PLEKHH1: variants seen among roughly 807,000 people sequenced by gnomAD.
The protein encoded by PLEKHH1 is pleckstrin homology domain-containing family H member 1.
In PLEKHH1, 104 loss-of-function variants were observed where a neutral mutation model predicts 160.0. That is an observed-to-expected ratio of 0.65 (90% CI 0.55 to 0.76). The LOEUF (loss-of-function observed/expected upper bound fraction) is 0.76. Ranked by LOEUF, PLEKHH1 falls within the 30% of genes least tolerant of loss-of-function variation. The probability of loss-of-function intolerance (pLI) is 0.00; values close to 1 mark genes in which losing one functional copy is unlikely to be tolerated. For missense variants in PLEKHH1, 1,427 were observed against 1,724.1 expected (o/e 0.83, Z 3.05); for synonymous variants, 619 against 678.4 (o/e 0.91, Z 1.36).
chr14:67,575,536 C>A, intron 15 of PLEKHH1, 64 bp downstream of exon 15: 1 of 1,048,198 alleles, frequency 9.5e-7, no homozygotes, highest in Non-Finnish European at 1.5e-6. Flanking sequence ...GACTGCCACT[C>A]TATGTCCTGA....
chr14:67,563,291 A>T (rs1484711551), intron 7 of PLEKHH1, among the ~76,000 whole-genome samples: 1 of 152,238 alleles, frequency 6.6e-6, no homozygotes, highest in Non-Finnish European at 1.5e-5. Flanking sequence ...TCTGTGCCTC[A>T]GCTTCCCTGT....
chr14:67,587,225 C>T lies in PLEKHH1; in HGVS notation c.4085C>T (p.Thr1362Met), dbSNP rs201241121. ...GTTTCCTGTGCTACCAAGGGGCCAA[C>T]GTTGCTGTGAATATTTCTCCTACCC... is the stretch of plus-strand genomic sequence containing the variant. ...SSVSCATKGP[T>M]LL The change falls in exon 29 of 29, where the codon ACG becomes ATG. Residue 1362 changes from threonine (T) to methionine (M), a missense_variant. By Grantham distance (81) the Thr-to-Met change is moderately conservative. Transcript: ENST00000329153. 1.6e-4 allele frequency: 251 copies of T among 1,613,628 alleles called. 1 individual carries two copies. In the East Asian group the frequency reaches 3.2e-3, roughly 20 times the overall value.
rs374185002 is a variant in PLEKHH1 at position 67,577,346 on chromosome 14, G to A, written c.2506G>A (p.Gly836Ser). Residue 836 changes from glycine (G) to serine (S), a missense_variant, in exon 18 of 29, where the codon GGC (glycine) becomes AGC (serine). Coordinates refer to ENST00000329153, the MANE Select transcript of PLEKHH1 (RefSeq NM_020715.3). ...RHPMLCYSKD[G>S]LYASLTTLPS... Reference sequence around the variant, plus strand: ...CCCCATGCTGTGCTACAGCAAAGACGGCCTATACGCCTCCCTCACCACCCT... The same window carrying A: ...CCCCATGCTGTGCTACAGCAAAGACAGCCTATACGCCTCCCTCACCACCCT... 25 of 1,585,850 alleles carry A rather than the reference G, an allele frequency of 1.6e-5. No homozygotes were observed. Among genetic ancestry groups the A allele is most frequent in the Admixed American group, 7.1e-5 (4 of 56,422 alleles).
rs10162 is a variant in PLEKHH1 at position 67,589,375 on chromosome 14, T to C, written c.*2140T>C. 2,894 of 984,662 alleles carry C rather than the reference T, an allele frequency of 2.9e-3. 53 individuals are homozygous for C. In the African/African-American group the frequency reaches 0.045, roughly 15 times the overall value. 61.0% of individuals were successfully genotyped at this position (984,662 alleles called of 1,614,324 possible). Reference sequence around the variant, plus strand: ...CCCATGTCTGAAAACCAAAGTCCAATTTCTGTCTGGCCTTTTGTCTCATCC... The same window carrying C: ...CCCATGTCTGAAAACCAAAGTCCAACTTCTGTCTGGCCTTTTGTCTCATCC... On this transcript the variant is annotated 3_prime_UTR_variant, in exon 29 of 29. Coordinates refer to ENST00000329153, the MANE Select transcript of PLEKHH1 (RefSeq NM_020715.3).
At chr14:67,559,787 G>A (rs1206718408) in intron 5 of PLEKHH1, 96 bp downstream of exon 5, 5 of 757,994 alleles carry the variant, frequency 6.6e-6, no homozygotes, top group African/African-American at 1.7e-5. Flanking sequence ...AGGGTGCCTC[G>A]GCTGACCTTC....
At chr14:67,538,186 C>T (rs113303323) in intron 1 of PLEKHH1, among the ~76,000 whole-genome samples, 13 of 152,196 alleles carry the variant, frequency 8.5e-5, no homozygotes, top group African/African-American at 3.1e-4. Flanking sequence ...TTATTTTTTG[C>T]CATTAATGTA....
Position 67,562,738 on chromosome 14 carries a change from G to T in PLEKHH1, c.1107G>T (p.Arg369Ser), listed in dbSNP as rs1417155488. 1 of 1,613,648 alleles carries T rather than the reference G, an allele frequency of 6.2e-7. No individual in the cohort carries two copies. The highest frequency in any genetic ancestry group is 1.3e-5 in the African/African-American group (1 of 74,918). ...SGLPELESRA[R>S]SREEPEKMEM... ...TTCCTGAGCTGGAGTCCCGAGCTAG[G>T]TCCCGGGAGGAACCAGAGAAGATGG... The change falls in exon 7 of 29, where the codon AGG becomes AGT. Residue 369 changes from arginine to serine, a missense_variant. By Grantham distance (110) the Arg-to-Ser change is moderately radical. This residue lies in a region of PLEKHH1 where 831 missense variants were observed against 929.2 expected (regional missense o/e 0.89). Transcript: ENST00000329153.
chr14:67,562,449 T>C lies in PLEKHH1; in HGVS notation c.818T>C (p.Leu273Pro), dbSNP rs745954361. Residue 273 changes from leucine (L) to proline (P), a missense_variant, in exon 7 of 29, where the codon CTT becomes CCT. Physicochemically the swap from Leu to Pro is moderately conservative, Grantham distance 98. Around this residue, in one of 6 missense-constraint regions of PLEKHH1, gnomAD observed 831 missense variants for 929.2 expected, o/e 0.89. Transcript: ENST00000329153. ...CCCCACCAGCCATGCATGAAGCTTC[T>C]TACCTTCAGATGTAGTTCAGCTTCC... ...SPPHQPCMKL[L>P]TFRCSSASWG... 1.9e-6 allele frequency: 3 copies of C among 1,613,324 alleles called. No individual in the cohort carries two copies. The highest frequency in any genetic ancestry group is 2.5e-6 in the Non-Finnish European group (3 of 1,179,258).
At chr14:67,569,846 C>T in intron 8 of PLEKHH1, 75 bp from the exon 9 acceptor site, 1 of 911,010 alleles carries the variant, frequency 1.1e-6, no homozygotes, top group Non-Finnish European at 1.8e-6. Context: ...TGCCATCTGC[C>T]CAGTTCTCTG....
intron 2 of PLEKHH1, among the ~76,000 whole-genome samples, chr14:67,549,752 G>T (rs2034322168): frequency 6.6e-6 from 1 of 152,168 alleles, no homozygotes. Context: ...TTTGCATTCT[G>T]TGGCCAGGCT....
Position 67,557,332 on chromosome 14 carries a change from C to A in PLEKHH1, c.253C>A (p.Leu85Met). The A allele has an allele frequency of 6.2e-7, 1 of 1,613,724 alleles. No individual in the cohort carries two copies. Among genetic ancestry groups the A allele is most frequent in the Non-Finnish European group, 8.5e-7 (1 of 1,179,620 alleles). The stretch of plus-strand genomic sequence containing the variant: ...GAAGAATGTGGACTCTGAGGGGAGC[C>A]TGCACCGGAAATACCAAGAATTGCT... ...NLKNVDSEGS[L>M]HRKYQELLKA... is the part of the protein sequence containing the mutation. The change falls in exon 4 of 29, where the codon CTG becomes ATG. Residue 85 changes from leucine to methionine, a missense_variant. By Grantham distance (15) the Leu-to-Met change is conservative. Transcript: ENST00000329153.
chr14:67,587,447 A>G lies in PLEKHH1; in HGVS notation c.*212A>G, dbSNP rs2036224120. The G allele has an allele frequency of 3.3e-6, 2 of 599,930 alleles. No individual in the cohort carries two copies. Among genetic ancestry groups the G allele is most frequent in the Admixed American group, 2.9e-5 (1 of 33,940 alleles). 37.2% of individuals were successfully genotyped at this position (599,930 alleles called of 1,614,324 possible). On this transcript the variant is annotated 3_prime_UTR_variant, in exon 29 of 29. Transcript: ENST00000329153. ...TTTAAAATCCAGACCCAGTGTTAAA[A>G]CCATTTATTCCTTTTTTCATAAGAA... is the stretch of plus-strand genomic sequence containing the variant.
chr14:67,557,292 A>G lies in PLEKHH1; in HGVS notation c.213A>G (p.Val71=). Residue 71 remains valine (V), a synonymous_variant, in exon 4 of 29, where the codon GTA becomes GTG. Transcript: ENST00000329153. ...ETQVGVMEEK[V]KLSNLKNVDS... ...AGGTGGGTGTCATGGAAGAGAAGGT[A>G]AAACTATCCAATCTGAAGAATGTGG... 2 of 1,613,622 alleles carry G rather than the reference A, an allele frequency of 1.2e-6. No individual in the cohort carries two copies. Among genetic ancestry groups the G allele is most frequent in the Non-Finnish European group, 1.7e-6 (2 of 1,179,536 alleles).
rs760065706 is a variant in PLEKHH1 at position 67,571,887 on chromosome 14, C to G, written c.1570C>G (p.Arg524Gly). 1 of 1,610,500 alleles carries G rather than the reference C, an allele frequency of 6.2e-7. No individual in the cohort carries two copies. Among genetic ancestry groups the G allele is most frequent in the Non-Finnish European group, 8.5e-7 (1 of 1,178,376 alleles). Residue 524 changes from arginine (R) to glycine (G), a missense_variant, in exon 10 of 29, where the codon CGG (arginine) becomes GGG (glycine). Arg to Gly is a moderately radical substitution (Grantham distance 125). This residue lies in a region of PLEKHH1 where 831 missense variants were observed against 929.2 expected (regional missense o/e 0.89). Transcript: ENST00000329153. ...GAAGACCAGCGGACTAGGCAGCCCCCGGGCCATCAAGAGAGGTACAGAGAA... is the reference window on the plus strand; with the variant it reads ...GAAGACCAGCGGACTAGGCAGCCCCGGGGCCATCAAGAGAGGTACAGAGAA... ...SRKTSGLGSP[R>G]AIKRGVSMSS...
chr14:67,569,311 G>A, intron 8 of PLEKHH1, 95 bp downstream of exon 8: 1 of 856,022 alleles, frequency 1.2e-6, no homozygotes, highest in Non-Finnish European at 1.9e-6. Flanking sequence ...CCCAGGGCCA[G>A]GGTTGGCTGG....
chr14:67,541,756 C>G, intron 1 of PLEKHH1, 78 bp from the exon 2 acceptor site: 1 of 967,204 alleles, frequency 1.0e-6, no homozygotes, highest in South Asian at 1.8e-5. Context: ...GTCCTTTGGT[C>G]CCCTCCCGTT....
At chr14:67,542,929 A>G (rs545503935) in intron 2 of PLEKHH1, among the ~76,000 whole-genome samples, 11 of 152,106 alleles carry the variant, frequency 7.2e-5, no homozygotes, top group African/African-American at 2.7e-4. Flanking sequence ...CGAACTCCCA[A>G]CCTCAGGTGA....
Position 67,573,755 on chromosome 14 carries a change from A to G in PLEKHH1, c.1840-46A>G. 1 of 1,242,564 alleles carries G rather than the reference A, an allele frequency of 8.0e-7. No individual in the cohort carries two copies. The highest frequency in any genetic ancestry group is 1.2e-6 in the Non-Finnish European group (1 of 840,212). 77.0% of individuals were successfully genotyped at this position (1,242,564 alleles called of 1,614,324 possible). A position where few individuals can be genotyped will look rare whatever the true frequency, so the allele number is the denominator to read the frequency against. ...CTGAGGGTAAATGAGGTGCTCCGGA[A>G]AGGCTCCACATTCAGTGGCTCTCCT... On this transcript the variant is annotated intron_variant, in intron 12 of 28. Coordinates refer to ENST00000329153, the MANE Select transcript of PLEKHH1 (RefSeq NM_020715.3). This position sits in a 1 kb window ranked among gnomAD's most constrained non-coding sequence, Gnocchi z 4.8.
Position 67,582,341 on chromosome 14 carries a change from G to A in PLEKHH1, c.3426+131G>A, listed in dbSNP as rs938953384. On this transcript the variant is annotated intron_variant, in intron 24 of 28. Transcript: ENST00000329153. This position sits in a 1 kb window ranked among gnomAD's most constrained non-coding sequence, Gnocchi z 5.0. ...GAGAGGGCAGCTTTGCCATCTCTGGGATGGAAAGCAGCTGACTTCTACAGA... is the reference window on the plus strand; with the variant it reads ...GAGAGGGCAGCTTTGCCATCTCTGGAATGGAAAGCAGCTGACTTCTACAGA... The A allele has an allele frequency of 3.4e-6, 5 of 1,487,794 alleles. No individual in the cohort carries two copies. The highest frequency in any genetic ancestry group is 2.8e-5 in the African/African-American group (2 of 72,326). The allele number at this position is 1,487,794 out of a possible 1,614,324, so 92.2% of individuals were successfully genotyped here.
Sources: allele counts gnomAD v4.1 joint callset (sites outside exome capture counted in the v4.1 genomes callset), GRCh38; gene constraint gnomAD v4.1.1; regional missense constraint gnomAD v4.1.1; non-coding constraint Gnocchi (gnomAD v3.1); transcripts MANE v1.5; gene names NCBI Gene and HGNC (gene_info 2026-07-23, HGNC 2026-07-21).